The following ACACB variants were observed in gnomAD, a reference collection of about 807,000 sequenced individuals.
ACACB encodes acetyl-CoA carboxylase beta, also known as acetyl-CoA carboxylase 2.
In ACACB, 209 loss-of-function variants were observed where a neutral mutation model predicts 278.8. The observed-to-expected ratio is 0.75, with a 90% CI of 0.67 to 0.84. The LOEUF (loss-of-function observed/expected upper bound fraction) is 0.84. ACACB is among the 40% of genes least tolerant of loss of function. The pLI is 0.00. For synonymous variants in ACACB, 1,174 were observed against 1,285.6 expected (o/e 0.91, Z 1.86); for missense variants, 2,850 against 3,269.0 (o/e 0.87, Z 3.13).
At chr12:109,181,281 G>A (rs980334624) in intron 11 of ACACB, among the ~76,000 whole-genome samples, 13 of 145,438 alleles carry the variant, frequency 8.9e-5, no homozygotes, top group African/African-American at 3.1e-4. Flanking sequence ...AGGCTGGAGT[G>A]TAGTGGTGCA....
intron 1 of ACACB, among the ~76,000 whole-genome samples, chr12:109,120,238 A>G (rs1344209084): frequency 6.6e-6 from 1 of 152,184 alleles, no homozygotes; most frequent in East Asian, 1.9e-4. Flanking sequence ...TCCAGGGCCA[A>G]TCAGTTTGGG....
chr12:109,152,377 G>A (rs1490451093), intron 2 of ACACB, among the ~76,000 whole-genome samples: 1 of 152,188 alleles, frequency 6.6e-6, no homozygotes, highest in Non-Finnish European at 1.5e-5. Context: ...TAAAAATCAG[G>A]ATACAGTGGG....
chr12:109,140,890 CTTTTTTTTTTTT>C (rs386377714), intron 2 of ACACB, among the ~76,000 whole-genome samples: 1 of 86,750 alleles, frequency 1.2e-5, no homozygotes, highest in Non-Finnish European at 2.3e-5. Context: ...TTCATTCATT[CTTTTTTTTTTTT>C]TTTTTTTTTT....
Position 109,139,614 on chromosome 12 carries a change from C to T in ACACB, c.209C>T (p.Thr70Ile), listed in dbSNP as rs375344890. ...GGGGAGGGCCACACTCTGCCCAAGA[C>T]ACCCAGCCAGGCCGAGCCAGCCTCC... Reference protein sequence around the residue: ...RNGEGHTLPKTPSQAEPASHK... With the variant: ...RNGEGHTLPKIPSQAEPASHK... The change falls in exon 2 of 53, where the codon ACA becomes ATA. Residue 70 changes from threonine (T) to isoleucine (I), a missense_variant. Thr to Ile is a moderately conservative substitution (Grantham distance 89). Around this residue, in one of 3 missense-constraint regions of ACACB, gnomAD observed 2,265 missense variants for 2,561.3 expected, o/e 0.88. Transcript: ENST00000338432. 1 of 1,614,154 alleles carries T rather than the reference C, an allele frequency of 6.2e-7. No homozygotes were observed.
intron 37 of ACACB, among the ~76,000 whole-genome samples, chr12:109,243,701 TC>T (rs2046862809): frequency 6.6e-6 from 1 of 152,100 alleles, no homozygotes; most frequent in African/African-American, 2.4e-5. Context: ...GAAGTAAAAT[TC>T]TATTCATATG....
intron 22 of ACACB, among the ~76,000 whole-genome samples, chr12:109,215,753 G>A (rs1356743645): frequency 1.3e-5 from 2 of 151,818 alleles, no homozygotes; most frequent in Non-Finnish European, 2.9e-5. Context: ...CCGACTGAGC[G>A]AGACTCTGTT....
intron 17 of ACACB, among the ~76,000 whole-genome samples, 184 bp from the exon 18 acceptor site, chr12:109,199,218 A>G (rs1044504349): frequency 6.6e-6 from 1 of 152,058 alleles, no homozygotes; most frequent in African/African-American, 2.4e-5. Context: ...AGAAAGCATC[A>G]CAGCCTTTTT....
In ACACB at chr12:109,246,320, G is replaced by C; in HGVS notation, c.5443G>C (p.Glu1815Gln). ...GGACCTTCTGTACCTGCGGGCATCCGAGATGGCCCGGGCAGAGGGCATTCC... is the reference window on the plus strand; with the variant it reads ...GGACCTTCTGTACCTGCGGGCATCCCAGATGGCCCGGGCAGAGGGCATTCC... ...GEDLLYLRAS[E>Q]MARAEGIPKI... Residue 1815 changes from glutamate (E) to glutamine (Q), a missense_variant, in exon 39 of 53, where the codon GAG (glutamate) becomes CAG (glutamine). By Grantham distance (29) the Glu-to-Gln change is conservative. Transcript: ENST00000338432. 6.2e-7 allele frequency: 1 copy of C among 1,612,524 alleles called. No individual in the cohort carries two copies. Among genetic ancestry groups the C allele is most frequent in the African/African-American group, 1.3e-5 (1 of 74,404 alleles).
At chr12:109,250,661 C>G (rs1026874472) in intron 41 of ACACB, among the ~76,000 whole-genome samples, 2 of 151,820 alleles carry the variant, frequency 1.3e-5, no homozygotes, top group South Asian at 2.1e-4. Context: ...AGTAGTAGTA[C>G]TAGTAGTAAT....
chr12:109,187,716 T>A (rs1203737034), intron 12 of ACACB, among the ~76,000 whole-genome samples: 2 of 151,890 alleles, frequency 1.3e-5, no homozygotes, highest in African/African-American at 4.8e-5. Flanking sequence ...TACCTCTGCC[T>A]CCCAAAGTGC....
At chr12:109,239,777 G>A (rs2136658642) in intron 34 of ACACB, 53 bp from the exon 35 acceptor site, 1 of 1,512,674 alleles carries the variant, frequency 6.6e-7, no homozygotes, top group Non-Finnish European at 8.8e-7. Flanking sequence ...CAGCCAGCTG[G>A]GAGTAGGCCT....
At chr12:109,237,007 A>G (rs2046648771) in intron 33 of ACACB, among the ~76,000 whole-genome samples, 158 bp from the exon 34 acceptor site, 1 of 152,116 alleles carries the variant, frequency 6.6e-6, no homozygotes, top group South Asian at 2.1e-4. Context: ...CCCTGGGGGT[A>G]GCTTACAATT....
At chr12:109,206,900 G>A in intron 20 of ACACB, 44 bp downstream of exon 20, 1 of 1,609,224 alleles carries the variant, frequency 6.2e-7, no homozygotes, top group South Asian at 1.1e-5. Context: ...AGTGCGGAGG[G>A]TCAGAAGATC....
rs2043051643 is a variant in ACACB at position 109,139,647 on chromosome 12, G to T, written c.242G>T (p.Gly81Val). 6 of 1,613,900 alleles carry T rather than the reference G, an allele frequency of 3.7e-6. No homozygotes were observed. The highest frequency in any genetic ancestry group is 4.2e-6 in the Non-Finnish European group (5 of 1,179,992). Residue 81 changes from glycine (G) to valine (V), a missense_variant, in exon 2 of 53, where the codon GGC becomes GTC. This residue lies in a region of ACACB where 2,265 missense variants were observed against 2,561.3 expected (regional missense o/e 0.88). Transcript: ENST00000338432. ...PSQAEPASHK[G>V]PKDAGRRRNS... ...CAGGCCGAGCCAGCCTCCCACAAAG[G>T]CCCCAAAGATGCCGGTCGGCGGAGA... is the stretch of plus-strand genomic sequence containing the variant.
At chr12:109,261,672 A>AC (rs994712615) in intron 48 of ACACB, among the ~76,000 whole-genome samples, 85 of 152,224 alleles carry the variant, frequency 5.6e-4, no homozygotes, top group African/African-American at 1.8e-3. Flanking sequence ...GGAGTTCAAG[A>AC]CCAGCCTGGC....
At chr12:109,210,341 G>T (rs938051664) in intron 21 of ACACB, among the ~76,000 whole-genome samples, 1 of 13,344 alleles carries the variant, frequency 7.5e-5, no homozygotes, top group Non-Finnish European at 2.0e-4. Flanking sequence ...GTATATACAC[G>T]CACACACATA....
At chr12:109,166,677 AC>A (rs200710830) in intron 2 of ACACB, among the ~76,000 whole-genome samples, 183 bp from the exon 3 acceptor site, 1,641 of 81,130 alleles carry the variant, frequency 0.02, 463 homozygotes, top group African/African-American at 0.052. Flanking sequence ...AAAAAAAAAA[AC>A]CGAAGGTGCT....
rs1032079419 is a variant in ACACB at position 109,206,983 on chromosome 12, ATTTAT to A, written c.3060+136_3060+140del. On this transcript the variant is annotated intron_variant, in intron 20 of 52. Transcript: ENST00000338432. ...GTCGGTCCTCTGTTGTTTTTATTTT[ATTTAT>A]TTTATTTTTTCAGACAAGGTCTCAC... 3.3e-5 allele frequency: 37 copies of A among 1,137,768 alleles called. No homozygotes were observed. In the Middle Eastern group the frequency reaches 1.1e-3, roughly 35 times the overall value. The allele number at this position is 1,137,768 out of a possible 1,614,324, so 70.5% of individuals were successfully genotyped here. A position where few individuals can be genotyped will look rare whatever the true frequency, so the allele number is the denominator to read the frequency against.
intron 24 of ACACB, among the ~76,000 whole-genome samples, chr12:109,220,714 A>T (rs1274858036): frequency 6.6e-6 from 1 of 152,030 alleles, no homozygotes; most frequent in African/African-American, 2.4e-5. Flanking sequence ...ACCACACCTG[A>T]CTAATTTTTT....
Sources: allele counts gnomAD v4.1 joint callset (sites outside exome capture counted in the v4.1 genomes callset), GRCh38; gene constraint gnomAD v4.1.1; regional missense constraint gnomAD v4.1.1; transcripts MANE v1.5; gene names NCBI Gene and HGNC (gene_info 2026-07-23, HGNC 2026-07-21).